Variants in AGBL1 observed in about 807,000 individuals in gnomAD.
AGBL1 encodes the protein AGBL carboxypeptidase 1.
A neutral mutation model predicts 118.9 loss-of-function variants in AGBL1; 130 were observed. That is an observed-to-expected ratio of 1.09 (90% confidence interval 0.95 to 1.26). The LOEUF (loss-of-function observed/expected upper bound fraction) is 1.26, where lower values mean the gene tolerates loss of function less well. Among genes scored for constraint, AGBL1 ranks in the 50% most tolerant of loss-of-function variants. The probability of loss-of-function intolerance (pLI) is 0.00; values close to 1 mark genes in which losing one functional copy is unlikely to be tolerated. For synonymous variants in AGBL1, 555 were observed against 478.9 expected, an observed-to-expected ratio of 1.16 and a Z score of -2.08; for missense variants, 1,584 against 1,298.1, an observed-to-expected ratio of 1.22 and a Z score of -3.38.
At chr15:86,162,522 G>C (rs530371520) in intron 5 of AGBL1, among the ~76,000 whole-genome samples, 1 of 152,320 alleles carries the variant, frequency 6.6e-6, no homozygotes, top group Non-Finnish European at 1.5e-5. Context: ...CTGTGGCCTT[G>C]TGCCAGCCCT....
At position 86,263,723 on chromosome 15, in the gene AGBL1, A is replaced by G. The variant is rs1011385668; in HGVS notation, c.1087-535A>G. Among the ~76,000 whole-genome samples the G allele has an allele frequency of 7.9e-5, 12 of 152,154 alleles. No individual in the cohort carries two copies. In the East Asian group the frequency reaches 1.9e-3, roughly 24 times the overall value. On this transcript the variant is annotated intron_variant, in intron 10 of 22. Coordinates refer to ENST00000614907, the MANE Select transcript of AGBL1 (RefSeq NM_001386094.1). The stretch of plus-strand genomic sequence containing the variant: ...GCTGCTGCCACTGTTGCTGCCATCG[A>G]TATTTTAGACCTGCTTTTTGATCTC...
In AGBL1 at chr15:86,613,183, T is replaced by C. The variant is rs538594747; in HGVS notation, c.2994+58646T>C. On this transcript the variant is annotated intron_variant, in intron 21 of 22. Coordinates refer to ENST00000614907, the MANE Select transcript of AGBL1 (RefSeq NM_001386094.1). This position sits in a 1 kb window ranked among gnomAD's most constrained non-coding sequence, Gnocchi z 4.2. ...TAAATTGATTAAGACTTGTCTCAGA[T>C]ACTTTTTGGTTTACAGGTACCTTAA... Among the ~76,000 whole-genome samples the C allele has an allele frequency of 5.8e-4, 88 of 152,352 alleles. 1 individual carries two copies. In the South Asian group the frequency reaches 0.018, roughly 31 times the overall value.
intron 5 of AGBL1, among the ~76,000 whole-genome samples, chr15:86,212,881 C>T (rs780025946): frequency 6.6e-6 from 1 of 152,168 alleles, no homozygotes; most frequent in Non-Finnish European, 1.5e-5. Flanking sequence ...AACTGTTGAC[C>T]TCAGGTGATC....
intron 22 of AGBL1, among the ~76,000 whole-genome samples, chr15:86,679,209 T>C (rs28481275): frequency 0.027 from 4,033 of 152,186 alleles, 180 homozygotes; most frequent in African/African-American, 0.092. Flanking sequence ...AAATCTGATA[T>C]TTTTATTTAC....
chr15:86,122,364 T>C (rs1421309740), intron 1 of AGBL1, among the ~76,000 whole-genome samples: 1 of 152,234 alleles, frequency 6.6e-6, no homozygotes, highest in Non-Finnish European at 1.5e-5. Flanking sequence ...AGAATATGTA[T>C]AGATACTGCC....
chr15:86,543,460 T>C (rs1333972688), intron 19 of AGBL1, among the ~76,000 whole-genome samples: 1 of 152,210 alleles, frequency 6.6e-6, no homozygotes, highest in Admixed American at 6.5e-5. Context: ...CTGTCGTGTG[T>C]TTCATTTCCA....
chr15:86,611,990 G>A (rs1270134985), intron 21 of AGBL1, among the ~76,000 whole-genome samples: 2 of 152,090 alleles, frequency 1.3e-5, no homozygotes, highest in Non-Finnish European at 2.9e-5. Context: ...ATTGCCTTTT[G>A]TTTTGAGCCC....
At chr15:86,700,410 G>T (rs2086335856) in intron 22 of AGBL1, among the ~76,000 whole-genome samples, 1 of 150,422 alleles carries the variant, frequency 6.6e-6, no homozygotes, top group South Asian at 2.1e-4. Flanking sequence ...CTTTTGTGAA[G>T]TTAGTATTAT....
At chr15:86,380,602 C>CGTCTGTGT (rs1313356254) in intron 17 of AGBL1, among the ~76,000 whole-genome samples, 11 of 146,842 alleles carry the variant, frequency 7.5e-5, no homozygotes, top group Admixed American at 2.0e-4. Flanking sequence ...CATATTCATC[C>CGTCTGTGT]GTCTGTGTCA....
chr15:86,612,839 G>A (rs988839995), intron 21 of AGBL1, among the ~76,000 whole-genome samples: 2 of 152,100 alleles, frequency 1.3e-5, no homozygotes, highest in Non-Finnish European at 2.9e-5. Flanking sequence ...TACATGACAA[G>A]AACCTTGGCT....
chr15:86,152,509 T>G (rs1217991451), intron 3 of AGBL1, among the ~76,000 whole-genome samples: 5 of 152,158 alleles, frequency 3.3e-5, no homozygotes, highest in Non-Finnish European at 7.4e-5. Context: ...TGTACAAAAA[T>G]TAATTCAAGA....
intron 22 of AGBL1, among the ~76,000 whole-genome samples, chr15:86,729,135 T>G (rs959129803): frequency 1.3e-5 from 2 of 152,212 alleles, no homozygotes; most frequent in Non-Finnish European, 2.9e-5. Context: ...GGAATTGAGC[T>G]CTCTGTCTTG....
intron 21 of AGBL1, among the ~76,000 whole-genome samples, chr15:86,565,780 C>T (rs1162177756): frequency 6.6e-6 from 1 of 152,218 alleles, no homozygotes; most frequent in Non-Finnish European, 1.5e-5. Flanking sequence ...GGGCTCCACC[C>T]AGTTTGAGCT....
At chr15:87,006,546 C>T (rs113799054) in intron 24 of AGBL1, among the ~76,000 whole-genome samples, 3,677 of 152,210 alleles carry the variant, frequency 0.024, 136 homozygotes, top group African/African-American at 0.084. Context: ...TGGAAAAGTG[C>T]AGTATTAGGG....
chr15:86,571,012 G>A (rs958857136), intron 21 of AGBL1, among the ~76,000 whole-genome samples: 1 of 152,208 alleles, frequency 6.6e-6, no homozygotes, highest in African/African-American at 2.4e-5. Context: ...CACGCTGGCT[G>A]ATGCTATAGG....
chr15:86,825,337 CT>C (rs892597717), intron 22 of AGBL1, among the ~76,000 whole-genome samples: 4 of 105,614 alleles, frequency 3.8e-5, no homozygotes, highest in Non-Finnish European at 7.1e-5. Context: ...TAAACACTTT[CT>C]TTTTTGTAAA....
intron 22 of AGBL1, among the ~76,000 whole-genome samples, chr15:86,752,194 TA>T (rs2077864842): frequency 6.6e-6 from 1 of 152,064 alleles, no homozygotes; most frequent in South Asian, 2.1e-4. Flanking sequence ...ACCAAAAGGC[TA>T]AATGAAGCCC....
intron 1 of AGBL1, among the ~76,000 whole-genome samples, chr15:86,113,444 T>C (rs1174518974): frequency 2.0e-5 from 3 of 151,796 alleles, no homozygotes; most frequent in East Asian, 3.9e-4. Context: ...CCCACCACCA[T>C]GCCCGGCTCT....
intron 17 of AGBL1, among the ~76,000 whole-genome samples, chr15:86,366,021 G>T (rs1206478283): frequency 1.3e-5 from 2 of 152,120 alleles, no homozygotes; most frequent in Non-Finnish European, 2.9e-5. Flanking sequence ...GTGAAGAAAG[G>T]CACCTGATAT....
Sources: allele counts gnomAD v4.1 joint callset (sites outside exome capture counted in the v4.1 genomes callset), GRCh38; gene constraint gnomAD v4.1.1; non-coding constraint Gnocchi (gnomAD v3.1); transcripts MANE v1.5; gene names NCBI Gene and HGNC (gene_info 2026-07-23, HGNC 2026-07-21).